PRORP: variants seen among roughly 807,000 people sequenced by gnomAD.
PRORP encodes mitochondrial ribonuclease P catalytic subunit.
PRORP carries 51 observed loss-of-function variants against 59.4 expected under a neutral mutation model. That is an observed-to-expected ratio of 0.86 (90% CI 0.69 to 1.08). PRORP has a LOEUF of 1.08. Ranked by LOEUF, PRORP falls within the 50% of genes least tolerant of loss-of-function variation. The probability of loss-of-function intolerance (pLI) is 0.00; values close to 1 mark genes in which losing one functional copy is unlikely to be tolerated. For missense variants in PRORP, 646 were observed against 690.3 expected (o/e 0.94, Z 0.72); for synonymous variants, 231 against 245.6 (o/e 0.94, Z 0.55).
intron 5 of PRORP, among the ~76,000 whole-genome samples, chr14:35,255,421 C>T (rs570648119): frequency 1.3e-5 from 2 of 152,336 alleles, no homozygotes; most frequent in South Asian, 4.1e-4. Flanking sequence ...TGAGCCACCA[C>T]ACCCGGCTGG....
intron 5 of PRORP, among the ~76,000 whole-genome samples, chr14:35,207,472 G>A (rs2139154606): frequency 6.6e-6 from 1 of 152,254 alleles, no homozygotes; most frequent in East Asian, 1.9e-4. Context: ...AAAGAGGAGG[G>A]TGTCTGTAAC....
chr14:35,186,243 A>G (rs2048739185), intron 5 of PRORP, among the ~76,000 whole-genome samples: 1 of 148,094 alleles, frequency 6.8e-6, no homozygotes, highest in Admixed American at 6.9e-5. Context: ...GTGGCCTCCC[A>G]AAGTGTTGGG....
At position 35,263,377 on chromosome 14, in the gene PRORP, C is replaced by T. The variant is rs144389043; in HGVS notation, c.1276-3350C>T. 1.1e-3 allele frequency among the ~76,000 whole-genome samples: 169 copies of T among 151,974 alleles called. 1 individual carries two copies. Among genetic ancestry groups the T allele is most frequent in the African/African-American group, 3.8e-3 (156 of 41,432 alleles). ...GAGCCAGCATATATGTTTTCTTAGT[C>T]TTGATAGTTACATAAGAAAATATTG... On this transcript the variant is annotated intron_variant, in intron 5 of 7. Coordinates refer to ENST00000534898, the MANE Select transcript of PRORP (RefSeq NM_014672.4).
intron 4 of PRORP, among the ~76,000 whole-genome samples, chr14:35,147,170 A>AT (rs1335388304): frequency 1.3e-5 from 2 of 152,168 alleles, no homozygotes; most frequent in South Asian, 2.1e-4. Flanking sequence ...TGTCTAAAAA[A>AT]ATATATATAG....
chr14:35,253,369 GAAAGAAAAGAAAGAAAGA>G (rs1365250661), intron 5 of PRORP, among the ~76,000 whole-genome samples: 1 of 137,054 alleles, frequency 7.3e-6, no homozygotes. Context: ...AAGAAAGAAA[GAAAGAAAAGAAAGAAAGA>G]AAAAGAAAGA....
chr14:35,200,865 T>C (rs2049130924), intron 5 of PRORP, among the ~76,000 whole-genome samples: 1 of 152,162 alleles, frequency 6.6e-6, no homozygotes, highest in African/African-American at 2.4e-5. Context: ...TTAACTAAAG[T>C]CCATACTTTA....
chr14:35,145,219 A>G (rs2047575785), intron 4 of PRORP, among the ~76,000 whole-genome samples: 1 of 144,130 alleles, frequency 6.9e-6, no homozygotes, highest in African/African-American at 2.4e-5. Context: ...GTAATCCTCC[A>G]ACCTTGGCCT....
chr14:35,168,940 A>T (rs1402751911), intron 4 of PRORP, among the ~76,000 whole-genome samples: 6 of 145,418 alleles, frequency 4.1e-5, no homozygotes, highest in African/African-American at 1.3e-4. Context: ...AGGTTCATTC[A>T]TTTTTTTTTC....
rs201739039 is a variant in PRORP at position 35,206,072 on chromosome 14, CA to C, written c.1275+25304del. ...CATGGTGTTTGGCATGTCATAGGTA[CA>C]AAAAAAAATGTTGAATGAATATTTG... On this transcript the variant is annotated intron_variant, in intron 5 of 7. Transcript: ENST00000534898. Among the ~76,000 whole-genome samples, 4 of 150,910 alleles carry C rather than the reference CA, an allele frequency of 2.7e-5. No individual in the cohort carries two copies. The East Asian group carries it at 5.8e-4, about 22-fold the overall frequency.
At chr14:35,210,750 C>CTTTTTT (rs71435870) in intron 5 of PRORP, among the ~76,000 whole-genome samples, 1 of 34,084 alleles carries the variant, frequency 2.9e-5, no homozygotes, top group Admixed American at 6.0e-4. Flanking sequence ...TTTCTTTTGC[C>CTTTTTT]TTTTTTTTTT....
intron 4 of PRORP, among the ~76,000 whole-genome samples, chr14:35,154,713 AAG>A (rs555072770): frequency 9.5e-4 from 145 of 151,988 alleles, no homozygotes; most frequent in Non-Finnish European, 1.6e-3. Flanking sequence ...AAAAAAAAAA[AAG>A]AGATGGAGCA....
chr14:35,166,654 T>C (rs1193376202), intron 4 of PRORP, among the ~76,000 whole-genome samples: 1 of 152,100 alleles, frequency 6.6e-6, no homozygotes, highest in Non-Finnish European at 1.5e-5. Context: ...GGTTTCACCA[T>C]GTTGAGCAGG....
chr14:35,206,221 A>G (rs117304577), intron 5 of PRORP, among the ~76,000 whole-genome samples: 2,535 of 152,272 alleles, frequency 0.017, 36 homozygotes, highest in Middle Eastern at 0.058. Flanking sequence ...TTGATCCTCT[A>G]GTCTTTCTGG....
At chr14:35,263,401 T>G (rs1341835798) in intron 5 of PRORP, among the ~76,000 whole-genome samples, 2 of 152,126 alleles carry the variant, frequency 1.3e-5, no homozygotes, top group African/African-American at 4.8e-5. Flanking sequence ...AAGAAAATAT[T>G]GGGGGCTGGG....
intron 4 of PRORP, among the ~76,000 whole-genome samples, chr14:35,162,769 T>A (rs963333084): frequency 1.1e-4 from 16 of 152,134 alleles, no homozygotes; most frequent in African/African-American, 3.6e-4. Flanking sequence ...TCACTTTTGT[T>A]GTTTTTCTCT....
In PRORP at chr14:35,274,711, C is replaced by T. The variant is rs552409501; in HGVS notation, c.*1145C>T. On this transcript the variant is annotated 3_prime_UTR_variant, in exon 8 of 8. Coordinates refer to ENST00000534898, the MANE Select transcript of PRORP (RefSeq NM_014672.4). Reference sequence around the variant, plus strand: ...CAGTGCCCAGCCTCACTTCTCTAGACTATGATGGTTTTTTCTTCATTCTAT... The same window carrying T: ...CAGTGCCCAGCCTCACTTCTCTAGATTATGATGGTTTTTTCTTCATTCTAT... 6.6e-6 allele frequency: 1 copy of T among 152,290 alleles called. No homozygotes were observed. The highest frequency in any genetic ancestry group is 1.5e-5 in the Non-Finnish European group (1 of 68,028). The allele number at this position is 152,290 out of a possible 1,614,324, so 9.4% of individuals were successfully genotyped here.
At chr14:35,226,218 T>C (rs2049930449) in intron 5 of PRORP, among the ~76,000 whole-genome samples, 1 of 152,202 alleles carries the variant, frequency 6.6e-6, no homozygotes, top group African/African-American at 2.4e-5. Flanking sequence ...AATCTTTAAC[T>C]CCTCATCATG....
At chr14:35,144,398 A>G (rs2047557389) in intron 4 of PRORP, 1 of 146,162 alleles carries the variant, frequency 6.8e-6, no homozygotes, top group Non-Finnish European at 1.5e-5. Context: ...GCCTTTCAAC[A>G]CTGCCTTGCT....
intron 5 of PRORP, 66 bp downstream of exon 5, chr14:35,180,843 T>G: frequency 9.5e-7 from 1 of 1,048,002 alleles, no homozygotes; most frequent in Non-Finnish European, 1.4e-6. Flanking sequence ...ATTTATGACC[T>G]TCTTGGGGCT....
Sources: allele counts gnomAD v4.1 joint callset (sites outside exome capture counted in the v4.1 genomes callset), GRCh38; gene constraint gnomAD v4.1.1; transcripts MANE v1.5; gene names NCBI Gene and HGNC (gene_info 2026-07-23, HGNC 2026-07-21).